Variants in MTF1 observed in about 807,000 individuals in gnomAD.
MTF1 encodes MRE-binding transcription factor.
Under a neutral mutation model 70.4 loss-of-function variants are expected in MTF1, and 22 were observed. That is an observed-to-expected ratio of 0.31 (90% CI 0.22 to 0.45). The LOEUF (loss-of-function observed/expected upper bound fraction) is 0.45, where lower values mean the gene tolerates loss of function less well. Among genes scored for constraint, MTF1 ranks in the 20% least tolerant of loss-of-function variants. The pLI, the probability that MTF1 is intolerant of heterozygous loss-of-function variation, is 1.00. For synonymous variants in MTF1, 333 were observed against 352.8 expected (o/e 0.94, Z 0.63); for missense variants, 649 against 922.0 (o/e 0.70, Z 3.83).
chr1:37,828,273 G>A, intron 7 of MTF1: 4 of 371,780 alleles, frequency 1.1e-5, no homozygotes, highest in South Asian at 7.7e-5. Flanking sequence ...TGTGAGGGGG[G>A]GGCCTCTGGG....
chr1:37,844,999 A>G (rs1236015386), intron 2 of MTF1, among the ~76,000 whole-genome samples: 1 of 152,258 alleles, frequency 6.6e-6, no homozygotes, highest in African/African-American at 2.4e-5. Context: ...CTGAAAAACA[A>G]CAGGCACTAA....
Position 37,857,635 on chromosome 1 carries a change from G to T in MTF1, c.24C>A (p.Asn8Lys). 1 of 1,613,934 alleles carries T rather than the reference G, an allele frequency of 6.2e-7. No homozygotes were observed. Residue 8 changes from asparagine (N) to lysine (K), a missense_variant, in exon 2 of 11, where the codon AAC becomes AAA. Asn to Lys is a moderately conservative substitution (Grantham distance 94). Transcript: ENST00000373036. ...CCTCTGCCTCAAAGTAGATGATGTT[G>T]TTGTCTGGACTGTGTTCCCCCATGG... MGEHSPD[N>K]NIIYFEAEED...
At chr1:37,843,434 G>T (rs187966271) in intron 2 of MTF1, among the ~76,000 whole-genome samples, 165 of 152,310 alleles carry the variant, frequency 1.1e-3, no homozygotes, top group African/African-American at 3.7e-3. Context: ...GGAGGGGAAA[G>T]CCTCAGGTAG....
intron 3 of MTF1, among the ~76,000 whole-genome samples, chr1:37,839,149 T>C (rs1189844748): frequency 6.6e-6 from 1 of 152,162 alleles, no homozygotes; most frequent in African/African-American, 2.4e-5. Flanking sequence ...GCCAGCTTAA[T>C]GTGCTTCAGG....
At chr1:37,848,280 T>G (rs565907791) in intron 2 of MTF1, among the ~76,000 whole-genome samples, 2 of 152,348 alleles carry the variant, frequency 1.3e-5, no homozygotes, top group Admixed American at 1.3e-4. Context: ...CTAAATGTTT[T>G]ATACATATTA....
At chr1:37,831,524 T>C (rs1359973936) in intron 7 of MTF1, among the ~76,000 whole-genome samples, 3 of 152,212 alleles carry the variant, frequency 2.0e-5, no homozygotes, top group Non-Finnish European at 4.4e-5. Context: ...AAACTCAAAA[T>C]TAGTGTTAGC....
At chr1:37,850,553 A>C (rs1275161129) in intron 2 of MTF1, among the ~76,000 whole-genome samples, 1 of 151,196 alleles carries the variant, frequency 6.6e-6, no homozygotes, top group Non-Finnish European at 1.5e-5. Context: ...AAGAGAAAAA[A>C]AAGGGAGAGA....
intron 2 of MTF1, among the ~76,000 whole-genome samples, chr1:37,843,669 G>C (rs535601589): frequency 6.6e-6 from 1 of 152,254 alleles, no homozygotes; most frequent in East Asian, 1.9e-4. Context: ...ACTAAAATTT[G>C]AATTTCATAT....
At chr1:37,828,280 TG>T (rs1241726610) in intron 7 of MTF1, 1 of 393,356 alleles carries the variant, frequency 2.5e-6, no homozygotes, top group East Asian at 8.8e-5. Flanking sequence ...GGGGGGCCTC[TG>T]GGGTGCTGGG....
intron 4 of MTF1, among the ~76,000 whole-genome samples, chr1:37,836,524 G>A (rs1329063937): frequency 2.0e-5 from 3 of 152,060 alleles, no homozygotes; most frequent in Non-Finnish European, 4.4e-5. Flanking sequence ...TTACTGTCTT[G>A]ATAACCAAAG....
intron 2 of MTF1, among the ~76,000 whole-genome samples, chr1:37,848,485 G>A (rs1557597905): frequency 6.6e-6 from 1 of 151,992 alleles, no homozygotes; most frequent in Non-Finnish European, 1.5e-5. Flanking sequence ...AATATGAGGA[G>A]AAAAAAATAA....
At position 37,814,129 on chromosome 1, in the gene MTF1, T is replaced by TGGAACCA. The variant is rs1393673000; in HGVS notation, c.*1000_*1006dup. On this transcript the variant is annotated 3_prime_UTR_variant, in exon 11 of 11. Transcript: ENST00000373036. ...GGCAACCCAAAGCCTGGCTGGAACC[T>TGGAACCA]GGAACCAGGACACCTGGCCTGCCAA... The TGGAACCA allele has an allele frequency of 1.3e-5, 2 of 153,412 alleles. No homozygotes were observed. The highest frequency in any genetic ancestry group is 2.9e-5 in the Non-Finnish European group (2 of 68,934). 9.5% of individuals were successfully genotyped at this position (153,412 alleles called of 1,614,324 possible).
Position 37,822,498 on chromosome 1 carries a change from G to C in MTF1, c.1390C>G (p.Leu464Val), listed in dbSNP as rs574050534. Residue 464 changes from leucine (L) to valine (V), a missense_variant, in exon 9 of 11, where the codon CTC becomes GTC. Leu to Val is a conservative substitution (Grantham distance 32). Coordinates refer to ENST00000373036, the MANE Select transcript of MTF1 (RefSeq NM_005955.3). ...ACAGGCACTTCTGGAGGTTGTAAGA[G>C]AGCAGGGGGGTTGCCAAATGCAGCT... is the stretch of plus-strand genomic sequence containing the variant. The part of the protein sequence containing the change: ...QQAAFGNPPA[L>V]LQPPEVPVPH... 3 of 1,614,154 alleles carry C rather than the reference G, an allele frequency of 1.9e-6. No individual in the cohort carries two copies. Among genetic ancestry groups the C allele is most frequent in the Non-Finnish European group, 8.5e-7 (1 of 1,180,032 alleles).
Position 37,857,433 on chromosome 1 carries a change from C to G in MTF1, c.226G>C (p.Gly76Arg). The change falls in exon 2 of 11, where the codon GGG becomes CGG. Residue 76 changes from glycine to arginine, a missense_variant. Physicochemically the swap from Gly to Arg is moderately radical, Grantham distance 125. This residue lies in a region of MTF1 where 44 missense variants were observed against 38.1 expected (regional missense o/e 1.15). Coordinates refer to ENST00000373036, the MANE Select transcript of MTF1 (RefSeq NM_005955.3). ...QCGEHLPFLV[G>R]GEEGFHLIDH... ...ATCAGGTGAAAGCCCTCTTCACCCCCTACTAGAAAAGGCAAGTGTTCTCCG... is the reference window on the plus strand; with the variant it reads ...ATCAGGTGAAAGCCCTCTTCACCCCGTACTAGAAAAGGCAAGTGTTCTCCG... The G allele has an allele frequency of 6.2e-7, 1 of 1,614,182 alleles. No individual in the cohort carries two copies. The highest frequency in any genetic ancestry group is 8.5e-7 in the Non-Finnish European group (1 of 1,180,038).
chr1:37,838,874 G>A (rs1049352427), intron 3 of MTF1, 118 bp from the exon 4 acceptor site: 7 of 763,500 alleles, frequency 9.2e-6, no homozygotes, highest in African/African-American at 7.1e-5. Flanking sequence ...GCGCAGTCTC[G>A]GCTCACTGCA....
chr1:37,852,436 G>A (rs967297727), intron 2 of MTF1, among the ~76,000 whole-genome samples: 2 of 152,130 alleles, frequency 1.3e-5, no homozygotes, highest in Non-Finnish European at 2.9e-5. Context: ...GGTGCGGAGA[G>A]CAGAGTTAGC....
At chr1:37,817,657 T>G (rs1398602860) in intron 9 of MTF1, among the ~76,000 whole-genome samples, 175 bp from the exon 10 acceptor site, 1 of 152,194 alleles carries the variant, frequency 6.6e-6, no homozygotes, top group Non-Finnish European at 1.5e-5. Context: ...CACTGCACTG[T>G]TTGACATTCA....
chr1:37,819,350 C>CGGT (rs1640874191), intron 9 of MTF1, among the ~76,000 whole-genome samples: 1 of 151,466 alleles, frequency 6.6e-6, no homozygotes, highest in Admixed American at 6.6e-5. Flanking sequence ...AGACCGGGCG[C>CGGT]GGTGGCTCAC....
chr1:37,833,560 A>T (rs552081388), intron 6 of MTF1, among the ~76,000 whole-genome samples: 7 of 152,300 alleles, frequency 4.6e-5, no homozygotes, highest in African/African-American at 1.7e-4. Context: ...TGCATCTACT[A>T]TGTATTAGAC....
Sources: allele counts gnomAD v4.1 joint callset (sites outside exome capture counted in the v4.1 genomes callset), GRCh38; gene constraint gnomAD v4.1.1; regional missense constraint gnomAD v4.1.1; transcripts MANE v1.5; gene names NCBI Gene and HGNC (gene_info 2026-07-23, HGNC 2026-07-21).